KDM2B: variants seen among roughly 807,000 people sequenced by gnomAD.
The protein encoded by KDM2B is lysine demethylase 2B, also known as lysine-specific demethylase 2B.
Under a neutral mutation model 150.0 loss-of-function variants are expected in KDM2B, and 26 were observed. That is an observed-to-expected ratio of 0.17 (90% CI 0.13 to 0.24). The LOEUF is 0.24. KDM2B is among the 10% of genes least tolerant of loss of function. The probability of loss-of-function intolerance (pLI) is 1.00; values close to 1 mark genes in which losing one functional copy is unlikely to be tolerated. For missense variants in KDM2B, 1,265 were observed against 1,816.9 expected, an observed-to-expected ratio of 0.70 and a Z score of 5.52; for synonymous variants, 734 against 729.5, an observed-to-expected ratio of 1.01 and a Z score of -0.10.
intron 12 of KDM2B, among the ~76,000 whole-genome samples, chr12:121,479,775 C>G (rs1555297535): frequency 6.6e-6 from 1 of 151,946 alleles, no homozygotes; most frequent in Non-Finnish European, 1.5e-5. Flanking sequence ...GCACGTGCCA[C>G]CACACCCAGC....
intron 11 of KDM2B, among the ~76,000 whole-genome samples, chr12:121,498,054 C>T (rs782643772): frequency 6.6e-6 from 1 of 151,998 alleles, no homozygotes; most frequent in Non-Finnish European, 1.5e-5. Flanking sequence ...CGAGACCATG[C>T]CACTGCACTC....
intron 8 of KDM2B, among the ~76,000 whole-genome samples, chr12:121,526,449 A>T (rs1298437946): frequency 6.6e-6 from 1 of 152,212 alleles, no homozygotes; most frequent in African/African-American, 2.4e-5. Flanking sequence ...CCTGACTCCC[A>T]AGCTACTGGA....
chr12:121,513,132 C>T lies in KDM2B; in HGVS notation c.1174+144G>A, dbSNP rs1594007685. On this transcript the variant is annotated intron_variant, in intron 10 of 22. Transcript: ENST00000377071. This position sits in a 1 kb window ranked among gnomAD's most constrained non-coding sequence, Gnocchi z 5.0. Reference sequence around the variant, plus strand: ...GGTGGGAAACTGGCAAGAATGGCTTCCCCTGAGGGGTTCCTAGGATTCTGC... The same window carrying T: ...GGTGGGAAACTGGCAAGAATGGCTTTCCCTGAGGGGTTCCTAGGATTCTGC... 11 of 887,520 alleles carry T rather than the reference C, an allele frequency of 1.2e-5. No individual in the cohort carries two copies. The highest frequency in any genetic ancestry group is 1.7e-5 in the Non-Finnish European group (10 of 592,436). 55.0% of individuals were successfully genotyped at this position (887,520 alleles called of 1,614,324 possible). A position where few individuals can be genotyped will look rare whatever the true frequency, so the allele number is the denominator to read the frequency against.
intron 22 of KDM2B, among the ~76,000 whole-genome samples, chr12:121,439,422 A>G (rs1874587224): frequency 6.9e-6 from 1 of 145,292 alleles, no homozygotes; most frequent in Non-Finnish European, 1.5e-5. Context: ...GTCTTGTCAC[A>G]TAGGCTGGAG....
intron 11 of KDM2B, among the ~76,000 whole-genome samples, chr12:121,504,590 G>A (rs1367605266): frequency 2.6e-5 from 4 of 152,216 alleles, no homozygotes; most frequent in East Asian, 1.9e-4. Flanking sequence ...GTAAATCCAC[G>A]GGACAGAAAG....
At chr12:121,416,008 C>T in the KDM2B span, 71 of 611,410 alleles carry the variant, frequency 1.2e-4, no homozygotes, top group African/African-American at 1.3e-3. Flanking sequence ...AAATTCTTTC[C>T]AAATGGCTTG....
chr12:121,580,567 C>CGGGGCAGGGAGGGAGGGAAGGAGGAG (rs1555317822), intron 1 of KDM2B: 68 of 323,678 alleles, frequency 2.1e-4, no homozygotes, highest in Non-Finnish European at 2.2e-4. Flanking sequence ...CCGGAGATGG[C>CGGGGCAGGGAGGGAGGGAAGGAGGAG]GGGGCAGGGA....
intron 12 of KDM2B, among the ~76,000 whole-genome samples, chr12:121,475,727 A>T (rs1175957595): frequency 6.7e-6 from 1 of 149,626 alleles, no homozygotes; most frequent in Non-Finnish European, 1.5e-5. Context: ...GACCCCATCT[A>T]TAAAAAAAAA....
At chr12:121,503,120 G>A (rs10437839) in intron 11 of KDM2B, among the ~76,000 whole-genome samples, 222 of 151,878 alleles carry the variant, frequency 1.5e-3, no homozygotes, top group African/African-American at 5.1e-3. Context: ...TGGGCCTACA[G>A]GCGTGCGCCA....
chr12:121,579,780 CT>C, intron 1 of KDM2B: 2 of 1,358,752 alleles, frequency 1.5e-6, no homozygotes, highest in Non-Finnish European at 2.0e-6. Context: ...CCCTCCACGC[CT>C]TTCCCCGATA....
chr12:121,422,544 C>T, the KDM2B span, among the ~76,000 whole-genome samples: 865 of 152,328 alleles, frequency 5.7e-3, 7 homozygotes, highest in Middle Eastern at 0.037. Context: ...GACCCCAGAT[C>T]ACAAGAATCT....
chr12:121,521,193 G>C lies in KDM2B; in HGVS notation c.932-93C>G, dbSNP rs1175307568. 1.2e-6 allele frequency: 1 copy of C among 843,714 alleles called. No homozygotes were observed. The highest frequency in any genetic ancestry group is 2.7e-5 in the East Asian group (1 of 37,560). The allele number at this position is 843,714 out of a possible 1,614,324, so 52.3% of individuals were successfully genotyped here. A position where few individuals can be genotyped will look rare whatever the true frequency, so the allele number is the denominator to read the frequency against. On this transcript the variant is annotated intron_variant, in intron 8 of 22. Coordinates refer to ENST00000377071, the MANE Select transcript of KDM2B (RefSeq NM_032590.5). This position sits in a 1 kb window ranked among gnomAD's most constrained non-coding sequence, Gnocchi z 4.9. Reference sequence around the variant, plus strand: ...GCAGGGAGGGAGAGCGAGCGTGCAGGAGGGTGCAGGGAGTGGAGAAGAGCA... The same window carrying C: ...GCAGGGAGGGAGAGCGAGCGTGCAGCAGGGTGCAGGGAGTGGAGAAGAGCA...
chr12:121,557,727 C>A (rs1555313004), intron 4 of KDM2B, among the ~76,000 whole-genome samples: 1 of 152,184 alleles, frequency 6.6e-6, no homozygotes, highest in Non-Finnish European at 1.5e-5. Flanking sequence ...CCTACAGACA[C>A]CCTTAATTTT....
At chr12:121,547,868 C>T (rs185324005) in intron 6 of KDM2B, among the ~76,000 whole-genome samples, 1 of 152,040 alleles carries the variant, frequency 6.6e-6, no homozygotes, top group East Asian at 1.9e-4. Flanking sequence ...GTCTCGAACT[C>T]CTGACCTCGT....
At chr12:121,561,280 G>A (rs1357115328) in intron 4 of KDM2B, among the ~76,000 whole-genome samples, 1 of 152,110 alleles carries the variant, frequency 6.6e-6, no homozygotes, top group African/African-American at 2.4e-5. Flanking sequence ...CGGCTCTTCC[G>A]AGAGCTCACA....
At chr12:121,553,060 G>A (rs1279000541) in intron 4 of KDM2B, among the ~76,000 whole-genome samples, 2 of 151,886 alleles carry the variant, frequency 1.3e-5, no homozygotes, top group South Asian at 2.1e-4. Flanking sequence ...GTGAAACCCC[G>A]AGAATACTAA....
chr12:121,450,881 C>G (rs1380984793), intron 13 of KDM2B, among the ~76,000 whole-genome samples: 3 of 151,232 alleles, frequency 2.0e-5, no homozygotes, highest in Non-Finnish European at 4.4e-5. Context: ...GAGGAAGAAA[C>G]AGGAACTTTC....
chr12:121,528,345 G>A (rs1047976690), intron 8 of KDM2B, among the ~76,000 whole-genome samples: 22 of 151,874 alleles, frequency 1.4e-4, no homozygotes, highest in African/African-American at 5.3e-4. Context: ...GATCACTTGA[G>A]GCCAGGAATT....
At chr12:121,524,235 AG>A (rs1189438250) in intron 8 of KDM2B, among the ~76,000 whole-genome samples, 9 of 152,096 alleles carry the variant, frequency 5.9e-5, no homozygotes, top group African/African-American at 2.2e-4. Context: ...TTGGTGAGCA[AG>A]TCCTGAATCC....
Sources: gnomAD v4.1 joint callset for allele counts (sites outside exome capture counted in the v4.1 genomes callset) on GRCh38, gnomAD v4.1.1 for gene constraint, Gnocchi (gnomAD v3.1) non-coding constraint, MANE v1.5 for transcripts, NCBI Gene and HGNC (gene_info 2026-07-23, HGNC 2026-07-21) for gene names.